HEMK2: variants seen among roughly 807,000 people sequenced by gnomAD.
HEMK2 encodes the protein HemK methyltransferase 2, ETF1 glutamine and histone H4 lysine, also known as methyltransferase HEMK2.
At chr21:28,587,837 A>T in the HEMK2 span, among the ~76,000 whole-genome samples, 1 of 152,248 alleles carries the variant, frequency 6.6e-6, no homozygotes, top group African/African-American at 2.4e-5. Context: ...TTTATTGACC[A>T]TCATAGTCCC....
At chr21:28,783,191 A>ATT in the HEMK2 span, among the ~76,000 whole-genome samples, 7 of 148,664 alleles carry the variant, frequency 4.7e-5, no homozygotes, top group African/African-American at 1.7e-4. Flanking sequence ...GCCTGAAAGA[A>ATT]TTTTTTTTTT....
chr21:28,658,182 C>T, the HEMK2 span, among the ~76,000 whole-genome samples: 10 of 151,906 alleles, frequency 6.6e-5, no homozygotes, highest in Admixed American at 5.9e-4. Flanking sequence ...ATAATAGGAC[C>T]TAAAAGAGAA....
chr21:28,845,878 T>C, the HEMK2 span, among the ~76,000 whole-genome samples: 2 of 152,084 alleles, frequency 1.3e-5, no homozygotes, highest in Non-Finnish European at 2.9e-5. Flanking sequence ...GTTTCATGTA[T>C]AGATAATTTT....
the HEMK2 span, among the ~76,000 whole-genome samples, chr21:28,709,148 C>G: frequency 6.6e-6 from 1 of 152,146 alleles, no homozygotes; most frequent in Non-Finnish European, 1.5e-5. Context: ...GTGACCTAAT[C>G]GCCACCCAAA....
chr21:28,682,611 A>C, the HEMK2 span, among the ~76,000 whole-genome samples: 1 of 152,178 alleles, frequency 6.6e-6, no homozygotes, highest in South Asian at 2.1e-4. Context: ...ACGTATATTT[A>C]TTGTGGCACT....
the HEMK2 span, among the ~76,000 whole-genome samples, chr21:28,610,174 A>G: frequency 6.6e-6 from 1 of 152,218 alleles, no homozygotes; most frequent in African/African-American, 2.4e-5. Context: ...CAGATAACCT[A>G]TAAAGAAAAC....
At chr21:28,659,103 T>A in the HEMK2 span, among the ~76,000 whole-genome samples, 11 of 152,110 alleles carry the variant, frequency 7.2e-5, no homozygotes, top group Non-Finnish European at 2.9e-5. Context: ...CTGAATACAT[T>A]ATCATCCTGA....
At chr21:28,750,575 C>G in the HEMK2 span, among the ~76,000 whole-genome samples, 1 of 151,768 alleles carries the variant, frequency 6.6e-6, no homozygotes, top group African/African-American at 2.4e-5. Context: ...GTGATACACA[C>G]CTGTAATCCC....
the HEMK2 span, among the ~76,000 whole-genome samples, chr21:28,705,019 C>T: frequency 6.6e-6 from 1 of 152,156 alleles, no homozygotes. Context: ...TTCGTACTTG[C>T]TGGTCTCCCT....
chr21:28,801,661 T>G, the HEMK2 span, among the ~76,000 whole-genome samples: 3 of 151,976 alleles, frequency 2.0e-5, no homozygotes, highest in Non-Finnish European at 2.9e-5. Flanking sequence ...CAACACAATA[T>G]AGCAAAGGAT....
At chr21:28,840,427 C>A in the HEMK2 span, among the ~76,000 whole-genome samples, 1 of 152,112 alleles carries the variant, frequency 6.6e-6, no homozygotes, top group Non-Finnish European at 1.5e-5. Flanking sequence ...AGTAAGCAGA[C>A]AACTCACAAG....
the HEMK2 span, among the ~76,000 whole-genome samples, chr21:28,587,106 A>G: frequency 6.6e-6 from 1 of 152,172 alleles, no homozygotes; most frequent in Non-Finnish European, 1.5e-5. Context: ...GCAATCTAAA[A>G]ATTGCAAGCT....
At chr21:28,601,886 C>T in the HEMK2 span, among the ~76,000 whole-genome samples, 1 of 152,150 alleles carries the variant, frequency 6.6e-6, no homozygotes, top group African/African-American at 2.4e-5. Flanking sequence ...CCATTAAACC[C>T]AGCCCTTGGA....
the HEMK2 span, among the ~76,000 whole-genome samples, chr21:28,861,086 C>T: frequency 7.9e-5 from 12 of 152,276 alleles, no homozygotes; most frequent in Admixed American, 3.9e-4. Flanking sequence ...CAATGTCTTG[C>T]GAAACAGATT....
At chr21:28,594,010 G>A in the HEMK2 span, among the ~76,000 whole-genome samples, 58,641 of 151,980 alleles carry the variant, frequency 0.39, 11,732 homozygotes, top group Middle Eastern at 0.48. Flanking sequence ...CATCAACAGC[G>A]ATAAGTGACA....
At chr21:28,629,109 A>G in the HEMK2 span, among the ~76,000 whole-genome samples, 1 of 152,214 alleles carries the variant, frequency 6.6e-6, no homozygotes. Flanking sequence ...AGGACTTTTA[A>G]GATCACGCAA....
At chr21:28,612,303 CCACA>C in the HEMK2 span, among the ~76,000 whole-genome samples, 20 of 152,040 alleles carry the variant, frequency 1.3e-4, no homozygotes, top group African/African-American at 4.6e-4. Flanking sequence ...ATGCTATATA[CCACA>C]CAAACAGAAT....
chr21:28,711,087 C>T, the HEMK2 span, among the ~76,000 whole-genome samples: 23 of 151,984 alleles, frequency 1.5e-4, 1 homozygote, highest in Middle Eastern at 3.4e-3. Context: ...TTAATATGTT[C>T]AACTATTAAA....
At chr21:28,590,734 A>G in the HEMK2 span, among the ~76,000 whole-genome samples, 5 of 152,242 alleles carry the variant, frequency 3.3e-5, no homozygotes, top group Admixed American at 1.3e-4. Flanking sequence ...TGGCACCAGA[A>G]CAAGTGCTGA....
Sources: gnomAD v4.1 joint callset for allele counts (sites outside exome capture counted in the v4.1 genomes callset) on GRCh38, gnomAD v4.1.1 for gene constraint, MANE v1.5 for transcripts, NCBI Gene and HGNC (gene_info 2026-07-23, HGNC 2026-07-21) for gene names.